The following PHEX variants were observed in gnomAD, a reference collection of about 807,000 sequenced individuals.
PHEX encodes phosphate-regulating neutral endopeptidase PHEX.
A neutral mutation model predicts 68.0 loss-of-function variants in PHEX; 16 were observed. The ratio of observed to expected loss-of-function variants is 0.24; its 90% CI spans 0.16 to 0.36. PHEX has a LOEUF of 0.36. Among genes scored for constraint, PHEX ranks in the 10% least tolerant of loss-of-function variants. The pLI, the probability that PHEX is intolerant of heterozygous loss-of-function variation, is 1.00. For missense variants in PHEX, 480 were observed against 575.5 expected (o/e 0.83, Z 1.70); for synonymous variants, 208 against 205.1 (o/e 1.01, Z -0.12).
intron 20 of PHEX, among the ~76,000 whole-genome samples, chrX:22,242,534 G>C (rs754187931): frequency 4.5e-5 from 5 of 111,620 alleles, no homozygotes; most frequent in African/African-American, 1.6e-4. Flanking sequence ...AAACCCCATC[G>C]TCTCAGCCCA....
At chrX:22,165,988 AG>A (rs1218494257) in intron 12 of PHEX, among the ~76,000 whole-genome samples, 1 of 112,115 alleles carries the variant, frequency 8.9e-6, no homozygotes, top group African/African-American at 3.2e-5. Flanking sequence ...TTATAAAAAC[AG>A]GGGTAGGGTG....
At chrX:22,200,893 T>G in intron 15 of PHEX, among the ~76,000 whole-genome samples, 1 of 111,128 alleles carries the variant, frequency 9.0e-6, no homozygotes, top group Middle Eastern at 4.6e-3. Flanking sequence ...AGCAGTTCAT[T>G]ATTGCCTCTT....
rs1309131797 is a variant in PHEX, at chrX:22,249,237, G to GTGTGTGTGTT, written c.*1287_*1288insGTGTGTTTGT. On this transcript the variant is annotated 3_prime_UTR_variant, in exon 22 of 22. Transcript: ENST00000379374. ...TGTGTGTGTGTGTGTGTGTGTGTGTGTGTAGGATAAAATTGTAATGGCCTT... is the reference window on the plus strand; with the variant it reads ...TGTGTGTGTGTGTGTGTGTGTGTGTGTGTGTGTGTTTGTAGGATAAAATTGTAATGGCCTT... 8.7e-5 allele frequency: 9 copies of GTGTGTGTGTT among 103,025 alleles called. No homozygotes were observed. Among genetic ancestry groups the GTGTGTGTGTT allele is most frequent in the African/African-American group, 3.2e-4 (9 of 27,897 alleles). The allele number at this position is 103,025 out of a possible 1,213,427, so 8.5% of individuals were successfully genotyped here.
intron 10 of PHEX, 79 bp downstream of exon 10, chrX:22,111,639 T>A: frequency 1.3e-6 from 1 of 766,497 alleles, no homozygotes; most frequent in Non-Finnish European, 2.0e-6. Context: ...ACTGATCCAG[T>A]AAAAATCATC....
At chrX:22,073,812 G>A (rs770802095) in intron 3 of PHEX, among the ~76,000 whole-genome samples, 2 of 109,138 alleles carry the variant, frequency 1.8e-5, no homozygotes, top group Non-Finnish European at 3.8e-5. Flanking sequence ...GCTAATTTTT[G>A]TATTATTAGT....
intron 15 of PHEX, among the ~76,000 whole-genome samples, chrX:22,212,216 G>A (rs915959038): frequency 1.8e-5 from 2 of 111,301 alleles, no homozygotes. Flanking sequence ...TGAATGGAAA[G>A]TATGGCCTCT....
chrX:22,097,120 T>A, intron 8 of PHEX, 82 bp downstream of exon 8: 1 of 709,330 alleles, frequency 1.4e-6, no homozygotes. Context: ...TAAATTTGTG[T>A]CTTGTAAAAC....
At chrX:22,243,861 G>A (rs909828858) in intron 20 of PHEX, among the ~76,000 whole-genome samples, 1 of 112,226 alleles carries the variant, frequency 8.9e-6, no homozygotes, top group African/African-American at 3.2e-5. Flanking sequence ...AACCATTGTG[G>A]AAGACAGTGT....
At chrX:22,036,653 C>T (rs1382372238) in intron 1 of PHEX, among the ~76,000 whole-genome samples, 2 of 110,552 alleles carry the variant, frequency 1.8e-5, no homozygotes, top group Non-Finnish European at 1.9e-5. Flanking sequence ...GAAAATTCCC[C>T]CTGAGGTTCT....
chrX:22,222,462 C>T (rs951323599), intron 18 of PHEX, among the ~76,000 whole-genome samples: 4 of 111,583 alleles, frequency 3.6e-5, no homozygotes, highest in Admixed American at 9.5e-5. Context: ...ATCTGTGAAA[C>T]GGGTCAATGT....
At chrX:22,145,797 T>TA (rs1424805795) in intron 12 of PHEX, among the ~76,000 whole-genome samples, 2 of 111,968 alleles carry the variant, frequency 1.8e-5, no homozygotes, top group Non-Finnish European at 3.8e-5. Context: ...GCTGTTTTTA[T>TA]AAAAAAGGAT....
At position 22,102,119 on chromosome X, in the gene PHEX, A is replaced by G. The variant is rs370761594; in HGVS notation, c.1079+2968A>G. Among the ~76,000 whole-genome samples, 16 of 111,498 alleles carry G rather than the reference A, an allele frequency of 1.4e-4. No individual in the cohort carries two copies. In the East Asian group the frequency reaches 4.2e-3, roughly 29 times the overall value. On this transcript the variant is annotated intron_variant, in intron 9 of 21. Transcript: ENST00000379374. ...TTATTTAAAAATGTACAATTACACT[A>G]TTTTTGACTATAGTTACCTGTTGTG...
chrX:22,196,179 TAAC>T (rs1165492450), intron 15 of PHEX, among the ~76,000 whole-genome samples: 1 of 111,829 alleles, frequency 8.9e-6, no homozygotes, highest in Non-Finnish European at 1.9e-5. Flanking sequence ...ATCCTGTCTT[TAAC>T]AACAACAAAA....
chrX:22,052,414 G>C (rs539791950), intron 3 of PHEX, among the ~76,000 whole-genome samples: 1 of 111,099 alleles, frequency 9.0e-6, no homozygotes, highest in South Asian at 3.8e-4. Flanking sequence ...TTTTAATAGA[G>C]ACAGGGTTTC....
intron 12 of PHEX, among the ~76,000 whole-genome samples, chrX:22,161,863 T>A (rs1178757618): frequency 8.9e-6 from 1 of 111,959 alleles, no homozygotes; most frequent in Non-Finnish European, 1.9e-5. Context: ...TGGCAGCTAG[T>A]GGATTAGCAA....
chrX:22,113,943 C>CTTTTTTTTTTTTTTTTTTTTT (rs746349559), intron 10 of PHEX, among the ~76,000 whole-genome samples: 1 of 63,995 alleles, frequency 1.6e-5, no homozygotes, highest in Non-Finnish European at 2.9e-5. Context: ...TCTTCTTCTT[C>CTTTTTTTTTTTTTTTTTTTTT]TTTTTTTTTT....
intron 5 of PHEX, among the ~76,000 whole-genome samples, chrX:22,082,995 T>TA (rs1382353698): frequency 9.0e-6 from 1 of 111,679 alleles, no homozygotes; most frequent in Admixed American, 9.5e-5. Flanking sequence ...GTGTGGCCGG[T>TA]ACAACTACGG....
intron 3 of PHEX, among the ~76,000 whole-genome samples, chrX:22,065,714 G>A (rs1344434414): frequency 2.7e-5 from 3 of 111,852 alleles, no homozygotes; most frequent in South Asian, 7.4e-4. Context: ...GTGAGCCACC[G>A]CGCCCGGCCG....
Position 22,247,941 on chromosome X carries a change from C to T in PHEX, c.2238C>T (p.Cys746=). Residue 746 remains cysteine, a synonymous_variant, in exon 22 of 22, where the codon TGC becomes TGT. Transcript: ENST00000379374. ...CGATGAACAGAGGCATGGACTCCTG[C>T]CGACTCTGGTAGCTGGGACGCTGGT... ...NSTMNRGMDS[C]RLW 2.5e-6 allele frequency: 3 copies of T among 1,197,263 alleles called. No individual in the cohort carries two copies. The highest frequency in any genetic ancestry group is 3.4e-6 in the Non-Finnish European group (3 of 882,102).
Sources: allele counts gnomAD v4.1 joint callset (sites outside exome capture counted in the v4.1 genomes callset), GRCh38; gene constraint gnomAD v4.1.1; transcripts MANE v1.5; gene names NCBI Gene and HGNC (gene_info 2026-07-23, HGNC 2026-07-21).